Variants in CAST observed in about 807,000 individuals in gnomAD.
CAST encodes the protein calpastatin.
In CAST, 76 loss-of-function variants were observed where a neutral mutation model predicts 119.6. The ratio of observed to expected loss-of-function variants is 0.64; its 90% confidence interval spans 0.53 to 0.77. The LOEUF is 0.77. Ranked by LOEUF, CAST falls within the 30% of genes least tolerant of loss-of-function variation. CAST has a pLI of 0.00. For missense variants in CAST, 953 were observed against 946.5 expected (o/e 1.01, Z -0.09); for synonymous variants, 319 against 331.6 (o/e 0.96, Z 0.41).
the CAST span, among the ~76,000 whole-genome samples, chr5:96,091,582 T>A: frequency 6.8e-6 from 1 of 147,874 alleles, no homozygotes; most frequent in East Asian, 2.0e-4. Flanking sequence ...CAGGGCTCAC[T>A]GTAGCTTTGC....
At chr5:96,449,328 G>A in the CAST span, among the ~76,000 whole-genome samples, 2 of 152,306 alleles carry the variant, frequency 1.3e-5, no homozygotes, top group South Asian at 4.1e-4. Context: ...GTAAGGTGAG[G>A]TGCCAGTAAG....
chr5:96,380,210 G>C, the CAST span, among the ~76,000 whole-genome samples: 1 of 152,164 alleles, frequency 6.6e-6, no homozygotes, highest in South Asian at 2.1e-4. Context: ...AAAGCTATTG[G>C]TGGTGCCTTA....
chr5:95,965,316 T>G, the CAST span: 1 of 152,206 alleles, frequency 6.6e-6, no homozygotes, highest in Non-Finnish European at 1.5e-5. Context: ...AGTTAAAAAT[T>G]TTAATAAGCA....
At chr5:96,642,854 C>T (rs780735409) in intron 1 of CAST, among the ~76,000 whole-genome samples, 14 of 152,100 alleles carry the variant, frequency 9.2e-5, no homozygotes, top group Non-Finnish European at 1.8e-4. Context: ...CATCCAAATA[C>T]ATATAGTTCT....
the CAST span, among the ~76,000 whole-genome samples, chr5:96,286,511 G>A: frequency 6.6e-6 from 1 of 152,150 alleles, no homozygotes; most frequent in Admixed American, 6.5e-5. Context: ...GCAAGATATG[G>A]ACCGTGTTGT....
Position 96,616,721 on chromosome 5 carries a change from G to GCT in CAST, c.61-58816_61-58815dup, listed in dbSNP as rs1411448503. 4.8e-4 allele frequency among the ~76,000 whole-genome samples: 68 copies of GCT among 140,534 alleles called. 1 individual carries two copies. In the East Asian group the frequency reaches 0.014, roughly 28 times the overall value. The allele number at this position is 140,534 out of a possible 152,430, so 92.2% of individuals were successfully genotyped here. ...ATGTGTGGCCTCTTAGACACCAAGC[G>GCT]CTCGCTCGCTCTCTCTCTCTCTCTA... On this transcript the variant is annotated intron_variant, in intron 1 of 11. Coordinates refer to the CAST transcript ENST00000505143.
chr5:95,988,142 G>A, the CAST span, among the ~76,000 whole-genome samples: 9 of 152,180 alleles, frequency 5.9e-5, no homozygotes, highest in African/African-American at 1.7e-4. Flanking sequence ...CATCCCTTGT[G>A]TGGAGACATT....
At chr5:96,647,099 G>A (rs149400369) in intron 1 of CAST, among the ~76,000 whole-genome samples, 3 of 152,298 alleles carry the variant, frequency 2.0e-5, no homozygotes, top group African/African-American at 7.2e-5. Context: ...TTGTGATGGA[G>A]TTAGGGGCAC....
At chr5:96,337,834 T>G in the CAST span, among the ~76,000 whole-genome samples, 1 of 152,244 alleles carries the variant, frequency 6.6e-6, no homozygotes, top group Non-Finnish European at 1.5e-5. Flanking sequence ...TTCATTAGTT[T>G]ACTGTCTGTC....
the CAST span, among the ~76,000 whole-genome samples, chr5:96,298,301 A>C: frequency 6.6e-6 from 1 of 152,198 alleles, no homozygotes; most frequent in South Asian, 2.1e-4. Flanking sequence ...GTTTCTGCTT[A>C]GTAAGAAGTG....
intron 1 of CAST, among the ~76,000 whole-genome samples, chr5:96,563,812 C>T (rs1337536622): frequency 6.6e-6 from 1 of 152,158 alleles, no homozygotes; most frequent in African/African-American, 2.4e-5. Flanking sequence ...TGGCAGAGGA[C>T]ATTGGTGAGG....
chr5:96,407,443 AGTTTTGACAAGG>A, the CAST span, among the ~76,000 whole-genome samples: 1 of 152,222 alleles, frequency 6.6e-6, no homozygotes, highest in Non-Finnish European at 1.5e-5. Flanking sequence ...TAATAAAAGT[AGTTTTGACAAGG>A]GTTTTGGAAA....
At chr5:96,189,607 C>T in the CAST span, among the ~76,000 whole-genome samples, 2 of 151,998 alleles carry the variant, frequency 1.3e-5, no homozygotes, top group Non-Finnish European at 2.9e-5. Context: ...TTTCTGGGAC[C>T]CCTATTGGTT....
chr5:96,426,041 T>C, the CAST span: 1 of 714,664 alleles, frequency 1.4e-6, no homozygotes. Context: ...CTCTGCAATA[T>C]TTTCATTTGA....
At chr5:96,349,636 A>C in the CAST span, among the ~76,000 whole-genome samples, 1 of 152,212 alleles carries the variant, frequency 6.6e-6, no homozygotes, top group Non-Finnish European at 1.5e-5. Flanking sequence ...ACTATTTTCA[A>C]TTGCATACTT....
At chr5:96,526,330 T>C (rs931705340), upstream of CAST, among the ~76,000 whole-genome samples, 2 of 152,082 alleles carry the variant, frequency 1.3e-5, no homozygotes, top group African/African-American at 4.8e-5. Context: ...AAGGTGCAGA[T>C]AAATTATGGG....
At chr5:96,535,804 A>ACCT (rs1173083683) in intron 1 of CAST, among the ~76,000 whole-genome samples, 1 of 150,268 alleles carries the variant, frequency 6.7e-6, no homozygotes, top group Non-Finnish European at 1.5e-5. Flanking sequence ...CGATCTCCTG[A>ACCT]CCTCGTGATC....
the CAST span, among the ~76,000 whole-genome samples, chr5:96,012,897 A>C: frequency 6.6e-6 from 1 of 152,160 alleles, no homozygotes; most frequent in East Asian, 1.9e-4. Context: ...TGTTTCTGCC[A>C]GTCCAAGGAG....
At chr5:96,398,930 T>C in the CAST span, 1 of 1,613,568 alleles carries the variant, frequency 6.2e-7, no homozygotes, top group Non-Finnish European at 8.5e-7. Context: ...GAATATTCAA[T>C]TGTTGCTTCA....
Sources: gnomAD v4.1 joint callset for allele counts (sites outside exome capture counted in the v4.1 genomes callset) on GRCh38, gnomAD v4.1.1 for gene constraint, MANE v1.5 for transcripts, NCBI Gene and HGNC (gene_info 2026-07-23, HGNC 2026-07-21) for gene names.